The following CFLAR variants were observed in gnomAD, a reference collection of about 807,000 sequenced individuals.
CFLAR encodes the protein CASP8 and FADD-like apoptosis regulator.
In CFLAR, 14 loss-of-function variants were observed where a neutral mutation model predicts 51.1. That is an observed-to-expected ratio of 0.27 (90% CI 0.18 to 0.43). The LOEUF is 0.43. Ranked by LOEUF, CFLAR falls within the 20% of genes least tolerant of loss-of-function variation. CFLAR has a pLI of 1.00. For missense variants in CFLAR, 390 were observed against 566.5 expected, an observed-to-expected ratio of 0.69 and a Z score of 3.16; for synonymous variants, 210 against 211.6, an observed-to-expected ratio of 0.99 and a Z score of 0.06.
chr2:201,137,743 T>G, intron 4 of CFLAR: 18 of 819,658 alleles, frequency 2.2e-5, no homozygotes, highest in Non-Finnish European at 3.2e-5. Context: ...ACATCCTGCG[T>G]GATCTTCGCC....
chr2:201,143,343 A>C (rs1212846222), intron 5 of CFLAR: 1 of 152,102 alleles, frequency 6.6e-6, no homozygotes, highest in Non-Finnish European at 1.5e-5. Context: ...GTGGTGGTGC[A>C]TGCCTGTAAT....
intron 3 of CFLAR, 117 bp downstream of exon 3, chr2:201,133,251 A>C: frequency 1.5e-6 from 1 of 675,870 alleles, no homozygotes; most frequent in Non-Finnish European, 2.6e-6. Context: ...GGAGTCAGAC[A>C]TCTCAGGTGG....
intron 9 of CFLAR, chr2:201,163,056 A>G (rs1165673940): frequency 1.3e-6 from 1 of 756,630 alleles, no homozygotes; most frequent in African/African-American, 1.7e-5. Flanking sequence ...CAAGCCTCGG[A>G]TGCATCTTAC....
In CFLAR at chr2:201,160,931, G is replaced by A. The variant is rs780095954; in HGVS notation, c.1293G>A (p.Leu431=). Residue 431 remains leucine, a synonymous_variant, in exon 9 of 10, where the codon CTG becomes CTA. Coordinates refer to ENST00000309955, the MANE Select transcript of CFLAR (RefSeq NM_003879.7). Reference sequence around the variant, plus strand: ...ACCTGCAGTGCCTCTCCCAGAAACTGAGACAAGAAAGGTGAGCCCCCAGGA... The same window carrying A: ...ACCTGCAGTGCCTCTCCCAGAAACTAAGACAAGAAAGGTGAGCCCCCAGGA... The part of the protein sequence containing the change: ...SLYLQCLSQK[L]RQERKRPLLD... 1.2e-6 allele frequency: 2 copies of A among 1,611,800 alleles called. No homozygotes were observed. The highest frequency in any genetic ancestry group is 1.1e-5 in the South Asian group (1 of 91,028).
At chr2:201,130,361 T>C (rs1207454923) in intron 2 of CFLAR, among the ~76,000 whole-genome samples, 4 of 126,760 alleles carry the variant, frequency 3.2e-5, no homozygotes, top group Admixed American at 7.5e-5. Context: ...TTCTTTTTTT[T>C]TTTTTTTTTT....
chr2:201,141,563 T>G, intron 5 of CFLAR: 1 of 1,317,684 alleles, frequency 7.6e-7, no homozygotes, highest in Non-Finnish European at 9.7e-7. Flanking sequence ...TTGTTACTAC[T>G]AATAATGCTA....
At chr2:201,157,234 G>A (rs1239957966) in intron 8 of CFLAR, among the ~76,000 whole-genome samples, 1 of 152,086 alleles carries the variant, frequency 6.6e-6, no homozygotes, top group Non-Finnish European at 1.5e-5. Context: ...TCCACTTCCT[G>A]GGCTCGAGTG....
chr2:201,120,632 G>T (rs1267092602), intron 1 of CFLAR, among the ~76,000 whole-genome samples: 1 of 134,920 alleles, frequency 7.4e-6, no homozygotes, highest in Non-Finnish European at 1.5e-5. Flanking sequence ...TCCTCTCATA[G>T]TTACTTAACT....
In CFLAR at chr2:201,140,755, GTATGTA is replaced by G. The variant is rs1553550185; in HGVS notation, c.606+320_606+325del. The G allele has an allele frequency of 1.7e-3, 327 of 191,610 alleles. 2 individuals are homozygous for G. The highest frequency in any genetic ancestry group is 6.7e-3 in the African/African-American group (274 of 40,938). 11.9% of individuals were successfully genotyped at this position (191,610 alleles called of 1,614,324 possible). On this transcript the variant is annotated intron_variant, in intron 5 of 9. Transcript: ENST00000309955. ...TGTGGGTTTGCATCTGTATCTGTAT[GTATGTA>G]TATATATATATATATACATACATAC... is the stretch of plus-strand genomic sequence containing the variant.
chr2:201,138,156 T>TC lies in CFLAR; in HGVS notation c.523+2055dup. ...TTGGCCTGGGCTGCTGTCACCACGT[T>TC]CCCCCCAATCACCTGGAGGTGGGGT... On this transcript the variant is annotated intron_variant, in intron 4 of 9. Coordinates refer to ENST00000309955, the MANE Select transcript of CFLAR (RefSeq NM_003879.7). This position sits in a 1 kb window ranked among gnomAD's most constrained non-coding sequence, Gnocchi z 4.0. 1.1e-6 allele frequency: 1 copy of TC among 876,710 alleles called. No homozygotes were observed. The highest frequency in any genetic ancestry group is 2.0e-6 in the Non-Finnish European group (1 of 512,772). The allele number at this position is 876,710 out of a possible 1,614,324, so 54.3% of individuals were successfully genotyped here. A position where few individuals can be genotyped will look rare whatever the true frequency, so the allele number is the denominator to read the frequency against.
In CFLAR at chr2:201,149,813, C is replaced by T. The variant is rs774649089; in HGVS notation, c.771C>T (p.Ile257=). ...KSKPLGICLI[I]DCIGNETELL... is the part of the protein sequence containing the mutation. ...AGCCCCTAGGAATCTGCCTGATAAT[C>T]GATTGCATTGGCAATGAGACAGGTA... Residue 257 remains isoleucine, a synonymous_variant, in exon 8 of 10, where the codon ATC becomes ATT. Transcript: ENST00000309955. The T allele has an allele frequency of 5.6e-6, 9 of 1,613,472 alleles. No homozygotes were observed. The highest frequency in any genetic ancestry group is 7.6e-6 in the Non-Finnish European group (9 of 1,179,452).
intron 8 of CFLAR, among the ~76,000 whole-genome samples, chr2:201,155,266 G>A (rs1559237878): frequency 6.9e-6 from 1 of 145,326 alleles, no homozygotes; most frequent in East Asian, 2.0e-4. Flanking sequence ...TTAAGAGGAA[G>A]TTTTTTTTTT....
chr2:201,154,996 T>C (rs1265066013), intron 8 of CFLAR, among the ~76,000 whole-genome samples: 1 of 152,256 alleles, frequency 6.6e-6, no homozygotes, highest in Non-Finnish European at 1.5e-5. Flanking sequence ...AAGTAAATGC[T>C]CAGGGATTTG....
chr2:201,152,954 C>T (rs77399758), intron 8 of CFLAR: 1,770 of 152,346 alleles, frequency 0.012, 15 homozygotes, highest in Middle Eastern at 0.061. Context: ...CCCATGGTTG[C>T]GGATGTATCT....
intron 8 of CFLAR, among the ~76,000 whole-genome samples, chr2:201,158,852 C>CATCATT (rs1942616688): frequency 2.9e-5 from 4 of 139,634 alleles, no homozygotes; most frequent in South Asian, 2.3e-4. Flanking sequence ...TTGCCCTCAT[C>CATCATT]ATTATTATTA....
chr2:201,168,712 A>C lies in CFLAR; in HGVS notation c.*4739A>C, dbSNP rs776263570. 6.6e-6 allele frequency: 1 copy of C among 152,214 alleles called. No individual in the cohort carries two copies. Among genetic ancestry groups the C allele is most frequent in the Non-Finnish European group, 1.5e-5 (1 of 68,046 alleles). The allele number at this position is 152,214 out of a possible 1,614,324, so 9.4% of individuals were successfully genotyped here. ...GCAGATGACATGATACTATATCTAG[A>C]AAACCCCATTATCTCCACCCAAAAG... On this transcript the variant is annotated 3_prime_UTR_variant, in exon 10 of 10. Coordinates refer to ENST00000309955, the MANE Select transcript of CFLAR (RefSeq NM_003879.7).
chr2:201,145,251 T>C, intron 5 of CFLAR, 127 bp from the exon 6 acceptor site: 1 of 584,608 alleles, frequency 1.7e-6, no homozygotes, highest in Non-Finnish European at 3.1e-6. Flanking sequence ...ATAATTTAAC[T>C]GTTGGGACGA....
chr2:201,141,667 G>A, intron 5 of CFLAR: 1 of 1,223,026 alleles, frequency 8.2e-7, no homozygotes, highest in African/African-American at 1.6e-5. Context: ...ATTGAGTGAT[G>A]AAACAAAAGA....
chr2:201,175,863 G>T lies in CFLAR; in HGVS notation c.*11890G>T, dbSNP rs1489474012. 6.6e-6 allele frequency: 1 copy of T among 152,176 alleles called. No homozygotes were observed. Among genetic ancestry groups the T allele is most frequent in the African/African-American group, 2.4e-5 (1 of 41,422 alleles). The allele number at this position is 152,176 out of a possible 1,614,324, so 9.4% of individuals were successfully genotyped here. A position where few individuals can be genotyped will look rare whatever the true frequency, so the allele number is the denominator to read the frequency against. ...TCATGCCTGTAATCCCAGCATTTTG[G>T]GAGGCTGAGGCAGGTGGATTACTTG... is the stretch of plus-strand genomic sequence containing the variant. On this transcript the variant is annotated 3_prime_UTR_variant, in exon 10 of 10. Transcript: ENST00000309955.
Sources: allele counts gnomAD v4.1 joint callset (sites outside exome capture counted in the v4.1 genomes callset), GRCh38; gene constraint gnomAD v4.1.1; non-coding constraint Gnocchi (gnomAD v3.1); transcripts MANE v1.5; gene names NCBI Gene and HGNC (gene_info 2026-07-23, HGNC 2026-07-21).